The following FARP1 variants were observed in gnomAD, a reference collection of about 807,000 sequenced individuals.
The protein encoded by FARP1 is FERM, ARHGEF and pleckstrin domain-containing protein 1.
FARP1 carries 52 observed loss-of-function variants against 128.8 expected under a neutral mutation model. The observed-to-expected ratio is 0.40, with a 90% confidence interval of 0.32 to 0.51. The LOEUF (loss-of-function observed/expected upper bound fraction) is 0.51. Among genes scored for constraint, FARP1 ranks in the 20% least tolerant of loss-of-function variants. The pLI is 0.45. For synonymous variants in FARP1, 580 were observed against 551.8 expected (o/e 1.05, Z -0.72); for missense variants, 1,333 against 1,367.9 (o/e 0.97, Z 0.40).
intron 2 of FARP1, among the ~76,000 whole-genome samples, chr13:98,219,111 C>G (rs180975758): frequency 1.3e-5 from 2 of 152,256 alleles, no homozygotes; most frequent in East Asian, 1.9e-4. Flanking sequence ...CAATAGGGAG[C>G]TTATTCTCTG....
rs573513992 is a variant in FARP1 at position 98,217,927 on chromosome 13, G to A, written c.171+4514G>A. 3.9e-5 allele frequency among the ~76,000 whole-genome samples: 6 copies of A among 152,328 alleles called. No individual in the cohort carries two copies. The South Asian group carries it at 8.3e-4, about 21-fold the overall frequency. ...CTGTCCTAGCATAACAAGGGAAAGAGCAAGTGGGAAGAGCTTCTGAGTCCC... is the reference window on the plus strand; with the variant it reads ...CTGTCCTAGCATAACAAGGGAAAGAACAAGTGGGAAGAGCTTCTGAGTCCC... On this transcript the variant is annotated intron_variant, in intron 2 of 26. Coordinates refer to ENST00000319562, the MANE Select transcript of FARP1 (RefSeq NM_005766.4).
At chr13:98,270,915 G>A (rs1566816785) in intron 2 of FARP1, among the ~76,000 whole-genome samples, 2 of 152,212 alleles carry the variant, frequency 1.3e-5, no homozygotes, top group African/African-American at 2.4e-5. Context: ...GCCAGGGTAC[G>A]AGTCTAGATG....
intron 2 of FARP1, chr13:98,244,717 C>G (rs776028731): frequency 6.2e-7 from 1 of 1,609,684 alleles, no homozygotes; most frequent in South Asian, 1.1e-5. Flanking sequence ...TGAGTCAGGA[C>G]TTGAAGTCCT....
chr13:98,294,551 A>C (rs560068597), intron 2 of FARP1, among the ~76,000 whole-genome samples: 10 of 152,336 alleles, frequency 6.6e-5, no homozygotes, highest in African/African-American at 2.4e-4. Flanking sequence ...TTTCGGCACA[A>C]GTCATTATAG....
At chr13:98,347,337 T>G (rs944030347) in intron 3 of FARP1, among the ~76,000 whole-genome samples, 9 of 152,212 alleles carry the variant, frequency 5.9e-5, no homozygotes, top group African/African-American at 2.2e-4. Flanking sequence ...CTACATGTAC[T>G]TTGTCGTAGA....
At chr13:98,308,065 T>A (rs1376861288) in intron 2 of FARP1, among the ~76,000 whole-genome samples, 1 of 110,400 alleles carries the variant, frequency 9.1e-6, no homozygotes, top group Non-Finnish European at 1.7e-5. Flanking sequence ...TTTTTTTTTT[T>A]GCTAAATGCA....
chr13:98,274,125 T>A (rs1371877181), intron 2 of FARP1, among the ~76,000 whole-genome samples: 3 of 152,202 alleles, frequency 2.0e-5, no homozygotes, highest in Admixed American at 1.3e-4. Flanking sequence ...GGATTGCTTT[T>A]CTCGTCATAC....
intron 2 of FARP1, among the ~76,000 whole-genome samples, chr13:98,324,493 G>A (rs973494703): frequency 3.9e-5 from 6 of 152,098 alleles, no homozygotes; most frequent in Non-Finnish European, 7.4e-5. Flanking sequence ...TCTAAAGAGC[G>A]TGTTGGAATC....
intron 19 of FARP1, 109 bp from the exon 20 acceptor site, chr13:98,438,695 C>G (rs1892396472): frequency 1.2e-6 from 1 of 833,430 alleles, no homozygotes; most frequent in Non-Finnish European, 2.0e-6. Context: ...TGCACGCTCG[C>G]AGTCAGCCCT....
chr13:98,193,446 C>G (rs925822743), intron 1 of FARP1, among the ~76,000 whole-genome samples: 1 of 152,194 alleles, frequency 6.6e-6, no homozygotes, highest in African/African-American at 2.4e-5. Context: ...GGATCGTAGT[C>G]TACGAAGTGA....
chr13:98,153,529 A>AATATATAAATATGTATAAATATATAT (rs1876253212), intron 1 of FARP1, among the ~76,000 whole-genome samples: 1 of 124,282 alleles, frequency 8.0e-6, no homozygotes, highest in African/African-American at 3.0e-5. Context: ...TTATATATAT[A>AATATATAAATATGTATAAATATATAT]TTATATATAA....
intron 25 of FARP1, 122 bp from the exon 26 acceptor site, chr13:98,446,544 G>C: frequency 9.8e-7 from 1 of 1,015,960 alleles, no homozygotes; most frequent in Non-Finnish European, 1.5e-6. Flanking sequence ...GTCCCTTCCA[G>C]GCCCACGCCC....
intron 1 of FARP1, among the ~76,000 whole-genome samples, chr13:98,156,999 T>C (rs1876537821): frequency 6.6e-6 from 1 of 152,190 alleles, no homozygotes; most frequent in African/African-American, 2.4e-5. Flanking sequence ...GTCTGCTGGG[T>C]CATGCAGGAA....
Position 98,176,716 on chromosome 13 carries a change from T to C in FARP1, c.-24+33224T>C. ...ATGCCCTGGCGCACGTATGGGGCCC[T>C]TCCTCGCCATCCCCGAGGAGGAGTT... On this transcript the variant is annotated intron_variant, in intron 1 of 26. Transcript: ENST00000319562. This position sits in a 1 kb window ranked among gnomAD's most constrained non-coding sequence, Gnocchi z 6.2. The C allele has an allele frequency of 6.2e-7, 1 of 1,606,048 alleles. No individual in the cohort carries two copies. The highest frequency in any genetic ancestry group is 8.5e-7 in the Non-Finnish European group (1 of 1,173,046).
intron 2 of FARP1, among the ~76,000 whole-genome samples, chr13:98,295,045 T>C (rs1885604586): frequency 9.5e-6 from 1 of 105,734 alleles, no homozygotes; most frequent in Non-Finnish European, 1.9e-5. Flanking sequence ...TATATATATA[T>C]TACACACACA....
rs1017361724 is a variant in FARP1 at position 98,375,383 on chromosome 13, T to A, written c.399-2438T>A. Reference sequence around the variant, plus strand: ...CTATGTTATAAATTGGCACTTACAATTTTTTTGCCAAATACTTGAGGCAAA... The same window carrying A: ...CTATGTTATAAATTGGCACTTACAAATTTTTTGCCAAATACTTGAGGCAAA... On this transcript the variant is annotated intron_variant, in intron 5 of 26. Coordinates refer to ENST00000319562, the MANE Select transcript of FARP1 (RefSeq NM_005766.4). 4.8e-4 allele frequency among the ~76,000 whole-genome samples: 73 copies of A among 152,252 alleles called. 1 individual carries two copies. The highest frequency in any genetic ancestry group is 1.8e-3 in the Admixed American group (28 of 15,296).
rs199748911 is a variant in FARP1 at position 98,176,700 on chromosome 13, C to A, written c.-24+33208C>A. The A allele has an allele frequency of 1.2e-6, 2 of 1,614,176 alleles. No homozygotes were observed. The highest frequency in any genetic ancestry group is 8.5e-7 in the Non-Finnish European group (1 of 1,180,034). On this transcript the variant is annotated intron_variant, in intron 1 of 26. Coordinates refer to ENST00000319562, the MANE Select transcript of FARP1 (RefSeq NM_005766.4). This position sits in a 1 kb window ranked among gnomAD's most constrained non-coding sequence, Gnocchi z 6.2. Reference sequence around the variant, plus strand: ...GCACAGTGGCGCGCAGATGCCCTGGCGCACGTATGGGGCCCTTCCTCGCCA... The same window carrying A: ...GCACAGTGGCGCGCAGATGCCCTGGAGCACGTATGGGGCCCTTCCTCGCCA...
intron 13 of FARP1, among the ~76,000 whole-genome samples, chr13:98,407,788 C>T (rs992922821): frequency 9.2e-5 from 14 of 152,186 alleles, no homozygotes; most frequent in Non-Finnish European, 1.9e-4. Context: ...GCTGACTGCT[C>T]AACCTGGCAC....
chr13:98,226,964 G>A (rs1231657651), intron 2 of FARP1, among the ~76,000 whole-genome samples: 2 of 150,952 alleles, frequency 1.3e-5, no homozygotes, highest in Admixed American at 1.3e-4. Context: ...TTTTTGAGAT[G>A]GAGTCTTGCT....
Sources: gnomAD v4.1 joint callset for allele counts (sites outside exome capture counted in the v4.1 genomes callset) on GRCh38, gnomAD v4.1.1 for gene constraint, Gnocchi (gnomAD v3.1) non-coding constraint, MANE v1.5 for transcripts, NCBI Gene and HGNC (gene_info 2026-07-23, HGNC 2026-07-21) for gene names.